CHD1: variants seen among roughly 807,000 people sequenced by gnomAD.
CHD1 encodes the protein ATP-dependent chromatin remodeler CHD1.
A neutral mutation model predicts 224.2 loss-of-function variants in CHD1; 36 were observed. That is an observed-to-expected ratio of 0.16 (90% CI 0.12 to 0.21). The LOEUF (loss-of-function observed/expected upper bound fraction) is 0.21. CHD1 is among the 10% of genes least tolerant of loss of function. The pLI, the probability that CHD1 is intolerant of heterozygous loss-of-function variation, is 1.00. For synonymous variants in CHD1, 668 were observed against 658.3 expected (o/e 1.01, Z -0.23); for missense variants, 1,378 against 1,994.8 (o/e 0.69, Z 5.89).
intron 32 of CHD1, chr5:98,860,814 A>C (rs1748412622): frequency 6.6e-6 from 1 of 152,224 alleles, no homozygotes; most frequent in African/African-American, 2.4e-5. Context: ...ATATTTTTAA[A>C]ATGAACTTTG....
chr5:98,913,309 A>G (rs1402401025), intron 2 of CHD1, among the ~76,000 whole-genome samples: 1 of 152,048 alleles, frequency 6.6e-6, no homozygotes, highest in Non-Finnish European at 1.5e-5. Context: ...CATCTCTACA[A>G]AAAAAATATA....
rs991986445 is a variant in CHD1 at position 98,854,085 on chromosome 5, A to G, written c.*2295T>C. ...AAAAATTAAACATAACTGGATAAAA[A>G]TAACAAAGCAGAATGAAAACAGAAT... On this transcript the variant is annotated 3_prime_UTR_variant, in exon 36 of 36. Coordinates refer to ENST00000614616, the MANE Select transcript of CHD1 (RefSeq NM_001270.4). 4 of 152,086 alleles carry G rather than the reference A, an allele frequency of 2.6e-5. No homozygotes were observed. The highest frequency in any genetic ancestry group is 2.1e-4 in the South Asian group (1 of 4,830). The allele number at this position is 152,086 out of a possible 1,614,324, so 9.4% of individuals were successfully genotyped here.
chr5:98,902,104 C>T (rs572712030), intron 5 of CHD1, among the ~76,000 whole-genome samples: 3 of 151,726 alleles, frequency 2.0e-5, no homozygotes, highest in African/African-American at 7.2e-5. Context: ...AGGGCTTGCA[C>T]ACCGAAAAAA....
intron 28 of CHD1, among the ~76,000 whole-genome samples, chr5:98,871,624 G>T (rs1195998480): frequency 2.6e-5 from 4 of 151,936 alleles, no homozygotes; most frequent in African/African-American, 9.7e-5. Context: ...AAAATAGCTA[G>T]AAAAGAATCA....
At chr5:98,892,827 G>GAA in intron 14 of CHD1, 114 bp from the exon 15 acceptor site, 2 of 554,446 alleles carry the variant, frequency 3.6e-6, no homozygotes, top group Non-Finnish European at 5.8e-6. Context: ...CAGATTTTTA[G>GAA]AAAAAAAAAT....
Position 98,863,719 on chromosome 5 carries a change from C to T in CHD1, c.4249-133G>A, listed in dbSNP as rs162139. On this transcript the variant is annotated intron_variant, in intron 31 of 35. Transcript: ENST00000614616. Reference sequence around the variant, plus strand: ...TTGATAGCAAAATAAGCAATTAAATCTCACTTCACAAATCTTATACATCAG... The same window carrying T: ...TTGATAGCAAAATAAGCAATTAAATTTCACTTCACAAATCTTATACATCAG... The T allele has an allele frequency of 0.018, 10,299 of 572,008 alleles. 887 individuals are homozygous for T. In the African/African-American group the frequency reaches 0.19, roughly 10 times the overall value. The allele number at this position is 572,008 out of a possible 1,614,324, so 35.4% of individuals were successfully genotyped here.
intron 32 of CHD1, 44 bp downstream of exon 32, chr5:98,863,364 T>A: frequency 8.7e-7 from 1 of 1,149,430 alleles, no homozygotes; most frequent in Non-Finnish European, 1.2e-6. Flanking sequence ...AAAAGACAGT[T>A]ATATAATATA....
intron 2 of CHD1, among the ~76,000 whole-genome samples, chr5:98,909,173 A>C (rs1332558280): frequency 6.6e-6 from 1 of 152,170 alleles, no homozygotes; most frequent in Non-Finnish European, 1.5e-5. Flanking sequence ...AAGTACACTG[A>C]ATATTAAATA....
chr5:98,910,579 T>C (rs949322955), intron 2 of CHD1, among the ~76,000 whole-genome samples: 2 of 152,194 alleles, frequency 1.3e-5, no homozygotes, highest in Admixed American at 6.5e-5. Flanking sequence ...CTCTACACTA[T>C]GTCCTCTCTT....
At chr5:98,884,429 G>C (rs1183504644) in intron 18 of CHD1, among the ~76,000 whole-genome samples, 1 of 152,068 alleles carries the variant, frequency 6.6e-6, no homozygotes, top group South Asian at 2.1e-4. Flanking sequence ...AACATTGTAT[G>C]TTCTCACTTG....
rs892890240 is a variant in CHD1 at position 98,875,253 on chromosome 5, T to C, written c.3399-140A>G. ...TGTTATCTAAGAAGAATGAATAAAC[T>C]ATGCTAAAAACAAAAATGTTAAAAC... On this transcript the variant is annotated intron_variant, in intron 24 of 35. Transcript: ENST00000614616. 22 of 527,714 alleles carry C rather than the reference T, an allele frequency of 4.2e-5. No individual in the cohort carries two copies. The Admixed American group carries it at 6.8e-4, about 16-fold the overall frequency. 32.7% of individuals were successfully genotyped at this position (527,714 alleles called of 1,614,324 possible).
At chr5:98,928,394 ACACCGC>A (rs1219356864) in intron 1 of CHD1, 139 bp downstream of exon 1, 1 of 152,308 alleles carries the variant, frequency 6.6e-6, no homozygotes, top group African/African-American at 2.4e-5. Context: ...CCAGGCCCGT[ACACCGC>A]CACCGGCACT....
chr5:98,908,982 T>C (rs1448907608), intron 2 of CHD1, among the ~76,000 whole-genome samples: 1 of 151,932 alleles, frequency 6.6e-6, no homozygotes, highest in Non-Finnish European at 1.5e-5. Flanking sequence ...ATATACAATT[T>C]CAAATATAAA....
At position 98,915,743 on chromosome 5, in the gene CHD1, A is replaced by T. The variant is rs528360525; in HGVS notation, c.53+10591T>A. Among the ~76,000 whole-genome samples, 4 of 152,298 alleles carry T rather than the reference A, an allele frequency of 2.6e-5. No individual in the cohort carries two copies. The East Asian group carries it at 7.7e-4, about 29-fold the overall frequency. ...AAGTGAGGTGGGAGAGGGTAACAGG[A>T]GTTAAGAGATTAAATTAGATTGGGC... On this transcript the variant is annotated intron_variant, in intron 2 of 35. Coordinates refer to ENST00000614616, the MANE Select transcript of CHD1 (RefSeq NM_001270.4).
intron 34 of CHD1, 66 bp from the exon 35 acceptor site, chr5:98,858,456 T>C: frequency 3.0e-6 from 4 of 1,316,228 alleles, no homozygotes; most frequent in Non-Finnish European, 4.3e-6. Flanking sequence ...ACTTAGTTGA[T>C]AGATAACAAG....
At chr5:98,921,595 G>A (rs189797874) in intron 2 of CHD1, among the ~76,000 whole-genome samples, 12 of 152,154 alleles carry the variant, frequency 7.9e-5, no homozygotes, top group Admixed American at 5.9e-4. Flanking sequence ...TTAAAAAAAG[G>A]TTAAACATTT....
chr5:98,875,530 C>A lies in CHD1; in HGVS notation c.3399-417G>T, dbSNP rs575793638. Among the ~76,000 whole-genome samples, 5 of 152,178 alleles carry A rather than the reference C, an allele frequency of 3.3e-5. No individual in the cohort carries two copies. In the East Asian group the frequency reaches 9.7e-4, roughly 29 times the overall value. ...TTAATTCAGATGTGTATTACACCAA[C>A]AATGCAAAATTAAAATTTTACTTAA... On this transcript the variant is annotated intron_variant, in intron 24 of 35. Transcript: ENST00000614616.
chr5:98,904,135 T>C (rs1751897363), intron 3 of CHD1, among the ~76,000 whole-genome samples: 1 of 152,144 alleles, frequency 6.6e-6, no homozygotes, highest in African/African-American at 2.4e-5. Flanking sequence ...ACAATATTAA[T>C]CAATATCCTC....
chr5:98,859,704 C>T (rs1748319243), intron 33 of CHD1, among the ~76,000 whole-genome samples: 1 of 152,064 alleles, frequency 6.6e-6, no homozygotes. Flanking sequence ...TAAGGTGGGT[C>T]AGGCAAGTTT....
Sources: gnomAD v4.1 joint callset for allele counts (sites outside exome capture counted in the v4.1 genomes callset) on GRCh38, gnomAD v4.1.1 for gene constraint, MANE v1.5 for transcripts, NCBI Gene and HGNC (gene_info 2026-07-23, HGNC 2026-07-21) for gene names.